Variants in RBMS3 observed in about 807,000 individuals in gnomAD.
RBMS3 encodes the protein RNA binding motif single stranded interacting protein 3.
In RBMS3, 27 loss-of-function variants were observed where a neutral mutation model predicts 66.8. The observed-to-expected ratio is 0.40, with a 90% confidence interval of 0.30 to 0.56. RBMS3 has a LOEUF of 0.56. RBMS3 is among the 20% of genes least tolerant of loss of function. The pLI, the probability that RBMS3 is intolerant of heterozygous loss-of-function variation, is 0.40. For synonymous variants in RBMS3, 188 were observed against 183.0 expected (o/e 1.03, Z -0.22); for missense variants, 513 against 549.5 (o/e 0.93, Z 0.66).
chr3:29,702,783 C>G (rs572112863), intron 4 of RBMS3, among the ~76,000 whole-genome samples: 20 of 152,174 alleles, frequency 1.3e-4, no homozygotes, highest in Non-Finnish European at 2.6e-4. Flanking sequence ...CACGAACCCA[C>G]CAGAAGGAAG....
chr3:29,343,796 T>C (rs1181289627), intron 1 of RBMS3, among the ~76,000 whole-genome samples: 1 of 152,204 alleles, frequency 6.6e-6, no homozygotes, highest in African/African-American at 2.4e-5. Flanking sequence ...AGGTCACAAC[T>C]AGTAAGTAGC....
Position 29,591,117 on chromosome 3 carries a change from C to T in RBMS3, c.399+3912C>T, listed in dbSNP as rs998923170. Among the ~76,000 whole-genome samples the T allele has an allele frequency of 4.6e-5, 7 of 152,274 alleles. No homozygotes were observed. In the East Asian group the frequency reaches 1.4e-3, roughly 29 times the overall value. On this transcript the variant is annotated intron_variant, in intron 4 of 14. Transcript: ENST00000383767. Reference sequence around the variant, plus strand: ...AATGATGAGTGTTTCGACTTCTTTGCCTCTGCAAGCAGAGAAAATTAATAA... The same window carrying T: ...AATGATGAGTGTTTCGACTTCTTTGTCTCTGCAAGCAGAGAAAATTAATAA...
chr3:29,886,839 C>T (rs2149585082), intron 8 of RBMS3, among the ~76,000 whole-genome samples: 1 of 151,560 alleles, frequency 6.6e-6, no homozygotes, highest in East Asian at 2.0e-4. Context: ...AGAGTTTGTT[C>T]TGGAGTGGCC....
At chr3:29,644,811 G>A (rs2049857687) in intron 4 of RBMS3, among the ~76,000 whole-genome samples, 2 of 152,128 alleles carry the variant, frequency 1.3e-5, no homozygotes, top group Admixed American at 1.3e-4. Flanking sequence ...CCATGAACCT[G>A]AATGTGTACT....
intron 1 of RBMS3, among the ~76,000 whole-genome samples, chr3:29,432,513 T>C (rs1216666512): frequency 6.6e-6 from 1 of 152,192 alleles, no homozygotes; most frequent in Admixed American, 6.5e-5. Flanking sequence ...GCCTTCTTTC[T>C]CTAAATGCTA....
At chr3:29,734,934 G>A (rs2054312638) in intron 4 of RBMS3, among the ~76,000 whole-genome samples, 1 of 151,912 alleles carries the variant, frequency 6.6e-6, no homozygotes. Flanking sequence ...ACTCCAGGTA[G>A]CTTAAGAAAT....
At chr3:29,448,500 G>C (rs1435591342) in intron 2 of RBMS3, among the ~76,000 whole-genome samples, 1 of 152,158 alleles carries the variant, frequency 6.6e-6, no homozygotes, top group Non-Finnish European at 1.5e-5. Flanking sequence ...CAAAAGGCTA[G>C]GATTTATTAG....
chr3:29,305,808 T>A (rs2033969819), intron 1 of RBMS3, among the ~76,000 whole-genome samples: 1 of 152,050 alleles, frequency 6.6e-6, no homozygotes, highest in Non-Finnish European at 1.5e-5. Flanking sequence ...ACATGCTCTT[T>A]AAGCAAAGTG....
At chr3:29,614,683 T>A (rs1404468995) in intron 4 of RBMS3, 1 of 152,162 alleles carries the variant, frequency 6.6e-6, no homozygotes, top group Non-Finnish European at 1.5e-5. Flanking sequence ...TAGCCTTATC[T>A]CATATATCAG....
chr3:29,802,348 T>C (rs759145820), intron 6 of RBMS3, among the ~76,000 whole-genome samples: 5 of 152,188 alleles, frequency 3.3e-5, no homozygotes, highest in Non-Finnish European at 5.9e-5. Flanking sequence ...TCTCGTATTA[T>C]ATGAACAGCA....
At chr3:29,509,418 A>G (rs1363746866) in intron 3 of RBMS3, among the ~76,000 whole-genome samples, 2 of 152,230 alleles carry the variant, frequency 1.3e-5, no homozygotes, top group African/African-American at 4.8e-5. Context: ...CATATATGAT[A>G]GCAGTTTTTT....
chr3:29,458,499 C>G (rs1003533507), intron 2 of RBMS3, among the ~76,000 whole-genome samples: 1 of 152,140 alleles, frequency 6.6e-6, no homozygotes, highest in Non-Finnish European at 1.5e-5. Context: ...GGCATATAAC[C>G]TAAACACATC....
chr3:29,350,803 T>A (rs555933713), intron 1 of RBMS3, among the ~76,000 whole-genome samples: 129 of 152,024 alleles, frequency 8.5e-4, no homozygotes, highest in Non-Finnish European at 1.2e-3. Context: ...TGTTTCATAA[T>A]CTACTGCACA....
intron 4 of RBMS3, among the ~76,000 whole-genome samples, chr3:29,659,381 TC>T (rs1266849050): frequency 6.6e-6 from 1 of 152,134 alleles, no homozygotes; most frequent in Non-Finnish European, 1.5e-5. Flanking sequence ...GAACAATAAT[TC>T]CCTATTCCCC....
intron 6 of RBMS3, among the ~76,000 whole-genome samples, chr3:29,770,728 C>G (rs1442585186): frequency 6.6e-5 from 10 of 152,024 alleles, no homozygotes; most frequent in African/African-American, 2.4e-4. Flanking sequence ...GTCAGCATCA[C>G]TAATGAGTAG....
intron 7 of RBMS3, among the ~76,000 whole-genome samples, chr3:29,874,747 T>G (rs2059572986): frequency 6.6e-6 from 1 of 152,158 alleles, no homozygotes; most frequent in South Asian, 2.1e-4. Flanking sequence ...AACCTTTTTT[T>G]TGGCACAAGA....
At chr3:29,609,437 G>A (rs7638763) in intron 4 of RBMS3, among the ~76,000 whole-genome samples, 36,052 of 151,880 alleles carry the variant, frequency 0.24, 5,422 homozygotes, top group African/African-American at 0.41. Flanking sequence ...GGCATCCTAA[G>A]GGAGGAGTCA....
chr3:29,592,733 T>C (rs112913769), intron 4 of RBMS3, among the ~76,000 whole-genome samples: 22,670 of 151,862 alleles, frequency 0.15, 1,946 homozygotes, highest in East Asian at 0.32. Flanking sequence ...GCACTATTCA[T>C]AATAGCAAAG....
At chr3:29,562,375 A>T (rs911779521) in intron 3 of RBMS3, among the ~76,000 whole-genome samples, 1 of 152,148 alleles carries the variant, frequency 6.6e-6, no homozygotes, top group African/African-American at 2.4e-5. Context: ...AAATTTCTCA[A>T]CTTTGAAAGT....
Sources: allele counts gnomAD v4.1 joint callset (sites outside exome capture counted in the v4.1 genomes callset), GRCh38; gene constraint gnomAD v4.1.1; transcripts MANE v1.5; gene names NCBI Gene and HGNC (gene_info 2026-07-23, HGNC 2026-07-21).